The following GAS6 variants were observed in gnomAD, a reference collection of about 807,000 sequenced individuals.
The protein encoded by GAS6 is growth arrest-specific protein 6.
GAS6 carries 41 observed loss-of-function variants against 75.8 expected under a neutral mutation model. The observed-to-expected ratio is 0.54, with a 90% CI of 0.42 to 0.70. The LOEUF is 0.70. Ranked by LOEUF, GAS6 falls within the 30% of genes least tolerant of loss-of-function variation. The pLI is 0.00. For synonymous variants in GAS6, 432 were observed against 412.6 expected (o/e 1.05, Z -0.57); for missense variants, 854 against 940.2 (o/e 0.91, Z 1.20).
rs145207769 is a variant in GAS6, at chr13:113,839,768, G to A, written c.426C>T (p.Cys142=). 6.2e-7 allele frequency: 1 copy of A among 1,614,030 alleles called. No individual in the cohort carries two copies. The highest frequency in any genetic ancestry group is 1.3e-5 in the African/African-American group (1 of 75,058). Residue 142 remains cysteine, a synonymous_variant, in exon 5 of 15, where the codon TGC becomes TGT. Transcript: ENST00000327773. ...GGCCCCCCCAGCCAGCTTTACACAG[G>A]CAGAAGAAGTTGCCCATGAGGTCCT... The part of the protein sequence containing the change: ...ACQDLMGNFF[C]LCKAGWGGRL...
chr13:113,839,455 G>A (rs1169821493), intron 5 of GAS6: 10 of 397,132 alleles, frequency 2.5e-5, no homozygotes, highest in African/African-American at 4.3e-5. Context: ...ACTCAAGGAC[G>A]GTCAGAGGTG....
chr13:113,835,459 C>T (rs1462526914), intron 7 of GAS6, 54 bp downstream of exon 7: 7 of 1,592,474 alleles, frequency 4.4e-6, no homozygotes, highest in East Asian at 2.2e-5. Context: ...GACTGGCACC[C>T]GTGTCTAGAC....
chr13:113,832,722 C>A lies in GAS6; in HGVS notation c.865G>T (p.Ala289Ser). ...AGGTACAAGGACTTCACACTCTTGGCCACGCTGAAGGGCACGCACGGCAAG... is the reference window on the plus strand; with the variant it reads ...AGGTACAAGGACTTCACACTCTTGGACACGCTGAAGGGCACGCACGGCAAG... Reference protein sequence around the residue: ...DILPCVPFSVAKSVKSLYLGR... With the variant: ...DILPCVPFSVSKSVKSLYLGR... Residue 289 changes from alanine (A) to serine (S), a missense_variant, in exon 9 of 15, where the codon GCC becomes TCC. Transcript: ENST00000327773. The A allele has an allele frequency of 6.2e-7, 1 of 1,612,746 alleles. No individual in the cohort carries two copies. Among genetic ancestry groups the A allele is most frequent in the Non-Finnish European group, 8.5e-7 (1 of 1,179,960 alleles).
In GAS6 at chr13:113,834,643, C is replaced by T. The variant is rs2051678385; in HGVS notation, c.742G>A (p.Glu248Lys). Residue 248 changes from glutamate to lysine, a missense_variant, in exon 8 of 15, where the codon GAG (glutamate) becomes AAG (lysine). Physicochemically the swap from Glu to Lys is moderately conservative, Grantham distance 56 (BLOSUM62 1). Transcript: ENST00000327773. ...CCTGGGGAGTTCACGCAGACCTGCT[C>T]ACAGCGGCCCTGCAGACACTCGTCC... ...DVDECLQGRC[E>K]QVCVNSPGSY... 1.2e-6 allele frequency: 2 copies of T among 1,602,120 alleles called. No homozygotes were observed. Among genetic ancestry groups the T allele is most frequent in the South Asian group, 1.1e-5 (1 of 90,090 alleles).
At chr13:113,835,968 C>G (rs979951151) in intron 6 of GAS6, 1 of 1,082,250 alleles carries the variant, frequency 9.2e-7, no homozygotes, top group Non-Finnish European at 1.1e-6. Flanking sequence ...GACACGGGGC[C>G]GTAAAAAGTA....
intron 8 of GAS6, 136 bp from the exon 9 acceptor site, chr13:113,832,888 A>G (rs2051648014): frequency 6.5e-7 from 1 of 1,547,356 alleles, no homozygotes; most frequent in Non-Finnish European, 8.7e-7. Context: ...CTAGCTGCTG[A>G]GACCCCAGAG....
At chr13:113,830,378 G>A (rs1414296535) in intron 10 of GAS6, among the ~76,000 whole-genome samples, 6 of 145,302 alleles carry the variant, frequency 4.1e-5, no homozygotes, top group Middle Eastern at 3.5e-3. Flanking sequence ...AGGTGACCTC[G>A]CCTCAGGCCA....
Position 113,848,980 on chromosome 13 carries a change from C to T in GAS6, c.256-930G>A, listed in dbSNP as rs1340990825. The stretch of plus-strand genomic sequence containing the variant: ...GACAGAGGCGGTAGGTACCCAGCGC[C>T]GTCTGCAACGCGCCTCTGGCTTCAT... On this transcript the variant is annotated intron_variant, in intron 2 of 14. Coordinates refer to ENST00000327773, the MANE Select transcript of GAS6 (RefSeq NM_000820.4). The surrounding 1 kb of genome is among the most constrained non-coding windows in gnomAD (Gnocchi z 4.8). 1.3e-5 allele frequency among the ~76,000 whole-genome samples: 2 copies of T among 152,212 alleles called. No homozygotes were observed. The highest frequency in any genetic ancestry group is 1.9e-4 in the East Asian group (1 of 5,190).
chr13:113,832,526 C>T (rs373974683), intron 9 of GAS6, 38 bp from the exon 10 acceptor site: 26 of 1,593,942 alleles, frequency 1.6e-5, no homozygotes, highest in Non-Finnish European at 2.2e-5. Flanking sequence ...GCACTGGGCA[C>T]AGGCAGATGC....
chr13:113,823,309 A>G (rs2051485027), intron 13 of GAS6, 66 bp downstream of exon 13: 1 of 1,496,898 alleles, frequency 6.7e-7, no homozygotes, highest in Non-Finnish European at 9.0e-7. Context: ...GTCCCCTGCC[A>G]GGGAGTGCAG....
intron 2 of GAS6, among the ~76,000 whole-genome samples, chr13:113,857,857 G>A (rs900970798): frequency 3.9e-5 from 6 of 152,364 alleles, no homozygotes; most frequent in East Asian, 3.9e-4. Context: ...AGAAAGCCCC[G>A]GAGGAGCCTG....
rs1337793637 is a variant in GAS6 at position 113,844,948 on chromosome 13, A to G, written c.343+1579T>C. On this transcript the variant is annotated intron_variant, in intron 4 of 14. Coordinates refer to ENST00000327773, the MANE Select transcript of GAS6 (RefSeq NM_000820.4). This position sits in a 1 kb window ranked among gnomAD's most constrained non-coding sequence, Gnocchi z 5.7. ...GTTTTGTAATCTTGGGGAGAAGCCT[A>G]AAGCCCAGGAACTAAGAGAGTATAA... The G allele has an allele frequency of 2.0e-5, 3 of 150,918 alleles. No homozygotes were observed. Among genetic ancestry groups the G allele is most frequent in the Non-Finnish European group, 4.4e-5 (3 of 68,028 alleles). The allele number at this position is 150,918 out of a possible 1,614,324, so 9.3% of individuals were successfully genotyped here.
Position 113,820,802 on chromosome 13 carries a change from C to A in GAS6, c.*62G>T. On this transcript the variant is annotated 3_prime_UTR_variant, in exon 15 of 15. Coordinates refer to ENST00000327773, the MANE Select transcript of GAS6 (RefSeq NM_000820.4). ...AGCATGGCCCCACGTGGTGAGGAGC[C>A]CCCAGGCTCCTCCCGGCTGTCTCGG... 2 of 1,556,216 alleles carry A rather than the reference C, an allele frequency of 1.3e-6. No individual in the cohort carries two copies. Among genetic ancestry groups the A allele is most frequent in the East Asian group, 2.3e-5 (1 of 43,280 alleles).
At chr13:113,853,970 T>G (rs1374335382) in intron 2 of GAS6, among the ~76,000 whole-genome samples, 1 of 152,190 alleles carries the variant, frequency 6.6e-6, no homozygotes, top group African/African-American at 2.4e-5. Context: ...CTGATCCCAC[T>G]GCCCACAGGA....
intron 14 of GAS6, 95 bp from the exon 15 acceptor site, chr13:113,821,113 G>A: frequency 7.3e-7 from 1 of 1,364,230 alleles, no homozygotes; most frequent in South Asian, 1.2e-5. Context: ...GCCAGCCCCG[G>A]GTTCCCTCCG....
At chr13:113,847,943 G>T in intron 3 of GAS6, 83 bp downstream of exon 3, 4 of 1,243,590 alleles carry the variant, frequency 3.2e-6, no homozygotes, top group Non-Finnish European at 4.7e-6. Flanking sequence ...GAGTTACGTG[G>T]TGAGGAGATT....
At chr13:113,847,237 C>G (rs1017485513) in intron 3 of GAS6, among the ~76,000 whole-genome samples, 1 of 152,246 alleles carries the variant, frequency 6.6e-6, no homozygotes, top group Non-Finnish European at 1.5e-5. Context: ...CTGGCCACCC[C>G]CTGCTTCAGA....
rs540036175 is a variant in GAS6, at chr13:113,839,679, A to G, written c.466+49T>C. ...GGGAGTGAGGAGCGGGGATCAGGGCAGGGTCGGAGATGGAGGGAGACCCCG... is the reference window on the plus strand; with the variant it reads ...GGGAGTGAGGAGCGGGGATCAGGGCGGGGTCGGAGATGGAGGGAGACCCCG... On this transcript the variant is annotated intron_variant, in intron 5 of 14. Coordinates refer to ENST00000327773, the MANE Select transcript of GAS6 (RefSeq NM_000820.4). The G allele has an allele frequency of 4.4e-5, 71 of 1,603,684 alleles. 1 individual carries two copies. In the South Asian group the frequency reaches 5.7e-4, roughly 13 times the overall value.
intron 7 of GAS6, among the ~76,000 whole-genome samples, chr13:113,835,082 C>CT (rs2051685194): frequency 6.6e-6 from 1 of 152,248 alleles, no homozygotes; most frequent in Non-Finnish European, 1.5e-5. Context: ...CCCACCCTCT[C>CT]TGTCTGCCTA....
Sources: gnomAD v4.1 joint callset for allele counts (sites outside exome capture counted in the v4.1 genomes callset) on GRCh38, gnomAD v4.1.1 for gene constraint, Gnocchi (gnomAD v3.1) non-coding constraint, MANE v1.5 for transcripts, NCBI Gene and HGNC (gene_info 2026-07-23, HGNC 2026-07-21) for gene names.